The following MTRF1 variants were observed in gnomAD, a reference collection of about 807,000 sequenced individuals.
MTRF1 encodes mitochondrial translation release factor 1.
In MTRF1, 51 loss-of-function variants were observed where a neutral mutation model predicts 62.9. The ratio of observed to expected loss-of-function variants is 0.81; its 90% CI spans 0.65 to 1.02. MTRF1 has a LOEUF of 1.02. Among genes scored for constraint, MTRF1 ranks in the 50% least tolerant of loss-of-function variants. MTRF1 has a pLI of 0.00. For missense variants in MTRF1, 446 were observed against 530.0 expected (o/e 0.84, Z 1.56); for synonymous variants, 158 against 181.9 (o/e 0.87, Z 1.06).
chr13:41,265,644 C>T (rs1424475836), upstream of MTRF1, among the ~76,000 whole-genome samples: 3 of 144,544 alleles, frequency 2.1e-5, no homozygotes, highest in Non-Finnish European at 3.1e-5. Flanking sequence ...TAAAAAGGCA[C>T]CAGAGATCTT....
At chr13:41,299,242 G>A in the MTRF1 span, among the ~76,000 whole-genome samples, 3 of 152,020 alleles carry the variant, frequency 2.0e-5, no homozygotes, top group Middle Eastern at 3.4e-3. Context: ...TGAAGAAGGG[G>A]GAGAAATTTT....
chr13:41,226,787 A>G (rs2034508149), intron 7 of MTRF1, among the ~76,000 whole-genome samples: 1 of 152,214 alleles, frequency 6.6e-6, no homozygotes, highest in Admixed American at 6.5e-5. Context: ...GAGCACCCAG[A>G]AAGCAGCAGC....
chr13:41,270,958 C>T, the MTRF1 span, among the ~76,000 whole-genome samples: 5 of 151,970 alleles, frequency 3.3e-5, no homozygotes, highest in East Asian at 5.8e-4. Context: ...AGGCTGGTCT[C>T]GAACTCCTGA....
intron 2 of MTRF1, among the ~76,000 whole-genome samples, chr13:41,255,890 G>A (rs1322078633): frequency 6.6e-6 from 1 of 152,150 alleles, no homozygotes; most frequent in Non-Finnish European, 1.5e-5. Context: ...CACTGCTTTA[G>A]AGGCTTGGAG....
chr13:41,311,373 A>G, the MTRF1 span: 2 of 668,414 alleles, frequency 3.0e-6, no homozygotes, highest in Non-Finnish European at 5.1e-6. Context: ...CGTGCCGAAC[A>G]GCCAGGCTGC....
Position 41,216,603 on chromosome 13 carries a change from C to T in MTRF1, c.*512G>A, listed in dbSNP as rs2031971641. Reference sequence around the variant, plus strand: ...GGGTCTATTTTGCCCAGGCTGGTCTCAAATTCTTACCTCAAGAGATCTTCC... The same window carrying T: ...GGGTCTATTTTGCCCAGGCTGGTCTTAAATTCTTACCTCAAGAGATCTTCC... On this transcript the variant is annotated 3_prime_UTR_variant, in exon 10 of 10. Coordinates refer to ENST00000379480, the MANE Select transcript of MTRF1 (RefSeq NM_004294.4). The T allele has an allele frequency of 6.6e-6, 1 of 152,082 alleles. No homozygotes were observed. Among genetic ancestry groups the T allele is most frequent in the African/African-American group, 2.4e-5 (1 of 41,390 alleles). The allele number at this position is 152,082 out of a possible 1,614,324, so 9.4% of individuals were successfully genotyped here. A position where few individuals can be genotyped will look rare whatever the true frequency, so the allele number is the denominator to read the frequency against.
rs2139203112 is a variant in MTRF1 at position 41,260,845 on chromosome 13, A to C, written c.63T>G (p.Cys21Trp). Residue 21 changes from cysteine (C) to tryptophan (W), a missense_variant, in exon 2 of 10, where the codon TGT becomes TGG. Coordinates refer to ENST00000379480, the MANE Select transcript of MTRF1 (RefSeq NM_004294.4). ...ATTGATGAGAATGGAGCTGGATGTGACACTGGAGGTAACCATTAAGAGATG... is the reference window on the plus strand; with the variant it reads ...ATTGATGAGAATGGAGCTGGATGTGCCACTGGAGGTAACCATTAAGAGATG... ...RHPSLNGYLQCHIQLHSHQFR... is the reference protein window; with the variant it reads ...RHPSLNGYLQWHIQLHSHQFR... The C allele has an allele frequency of 1.2e-6, 2 of 1,614,026 alleles. No individual in the cohort carries two copies. The highest frequency in any genetic ancestry group is 1.7e-6 in the Non-Finnish European group (2 of 1,179,866).
At chr13:41,226,222 A>G (rs2138727449) in intron 8 of MTRF1, among the ~76,000 whole-genome samples, 1 of 152,368 alleles carries the variant, frequency 6.6e-6, no homozygotes, top group East Asian at 1.9e-4. Context: ...TAGTTTATAC[A>G]TCTTACATTT....
chr13:41,255,199 T>G (rs554128022), intron 2 of MTRF1, among the ~76,000 whole-genome samples: 1 of 152,232 alleles, frequency 6.6e-6, no homozygotes, highest in South Asian at 2.1e-4. Context: ...GATACATTCA[T>G]ACTCAGTTCA....
At chr13:41,311,572 A>G in the MTRF1 span, 2 of 1,608,452 alleles carry the variant, frequency 1.2e-6, no homozygotes, top group South Asian at 1.1e-5. Flanking sequence ...AACCTCTTCA[A>G]ACGCATCTTG....
chr13:41,305,141 C>A, the MTRF1 span, among the ~76,000 whole-genome samples: 1 of 152,166 alleles, frequency 6.6e-6, no homozygotes, highest in African/African-American at 2.4e-5. Flanking sequence ...ACTGCAGCGT[C>A]GACCTCCCAG....
At chr13:41,310,305 A>C in the MTRF1 span, among the ~76,000 whole-genome samples, 1 of 152,192 alleles carries the variant, frequency 6.6e-6, no homozygotes, top group Non-Finnish European at 1.5e-5. Flanking sequence ...TCCCATTATT[A>C]TATGGCTTTC....
chr13:41,261,423 C>T (rs1364077108), intron 1 of MTRF1: 1 of 153,380 alleles, frequency 6.5e-6, no homozygotes, highest in Non-Finnish European at 1.4e-5. Flanking sequence ...AACAGCACTG[C>T]TTCCTACCTG....
At chr13:41,282,730 G>A in the MTRF1 span, among the ~76,000 whole-genome samples, 14 of 152,168 alleles carry the variant, frequency 9.2e-5, no homozygotes, top group Admixed American at 3.3e-4. Flanking sequence ...GAGCATATGG[G>A]GATATTTGTT....
chr13:41,248,133 T>C lies in MTRF1; in HGVS notation c.697+4512A>G, dbSNP rs147538684. On this transcript the variant is annotated intron_variant, in intron 5 of 9. Transcript: ENST00000379480. ...CTCAAGGGGACCTACACACTCCCCTTCACTCGAGGTACTGTGGGTCTGGAA... is the reference window on the plus strand; with the variant it reads ...CTCAAGGGGACCTACACACTCCCCTCCACTCGAGGTACTGTGGGTCTGGAA... Among the ~76,000 whole-genome samples, 492 of 152,250 alleles carry C rather than the reference T, an allele frequency of 3.2e-3. 2 individuals are homozygous for C. Among genetic ancestry groups the C allele is most frequent in the African/African-American group, 0.011 (451 of 41,552 alleles).
In MTRF1 at chr13:41,240,433, C is replaced by A; in HGVS notation, c.698G>T (p.Gly233Val). The stretch of plus-strand genomic sequence containing the variant: ...TCGGGCGGCTGCATGATGTAGTCCA[C>A]CTAGGGGAACAACAATCCAGAAATA... Reference protein sequence around the residue: ...ELLNYTPADYGGLHHAAARIS... With the variant: ...ELLNYTPADYVGLHHAAARIS... Residue 233 changes from glycine to valine, a missense_variant and splice_region_variant, in exon 6 of 10, where the codon GGT becomes GTT. Coordinates refer to ENST00000379480, the MANE Select transcript of MTRF1 (RefSeq NM_004294.4). 1 of 1,611,092 alleles carries A rather than the reference C, an allele frequency of 6.2e-7. No individual in the cohort carries two copies. The highest frequency in any genetic ancestry group is 8.5e-7 in the Non-Finnish European group (1 of 1,178,676).
intron 5 of MTRF1, among the ~76,000 whole-genome samples, chr13:41,241,994 A>G (rs2037567098): frequency 6.6e-6 from 1 of 152,202 alleles, no homozygotes; most frequent in African/African-American, 2.4e-5. Flanking sequence ...TTTCTCACTT[A>G]TTAGTTAAAA....
chr13:41,242,751 T>C (rs7319240), intron 5 of MTRF1, among the ~76,000 whole-genome samples: 2,452 of 152,152 alleles, frequency 0.016, 81 homozygotes, highest in African/African-American at 0.056. Context: ...ACAGAGATAG[T>C]GTCTCTTTCT....
At chr13:41,289,693 A>T in the MTRF1 span, among the ~76,000 whole-genome samples, 1 of 152,190 alleles carries the variant, frequency 6.6e-6, no homozygotes, top group South Asian at 2.1e-4. Context: ...AGCTTTCTGA[A>T]TCCCTGCAAA....
Sources: gnomAD v4.1 joint callset for allele counts (sites outside exome capture counted in the v4.1 genomes callset) on GRCh38, gnomAD v4.1.1 for gene constraint, MANE v1.5 for transcripts, NCBI Gene and HGNC (gene_info 2026-07-23, HGNC 2026-07-21) for gene names.